The following FHIT variants were observed in gnomAD, a reference collection of about 807,000 sequenced individuals.
FHIT encodes bis(5'-adenosyl)-triphosphatase.
FHIT carries 19 observed loss-of-function variants against 17.9 expected under a neutral mutation model. That is an observed-to-expected ratio of 1.06 (90% CI 0.74 to 1.56). The LOEUF is 1.56. Ranked by LOEUF, FHIT falls within the 40% of genes most tolerant of loss-of-function variation. FHIT has a pLI of 0.00. For synonymous variants in FHIT, 81 were observed against 69.7 expected, an observed-to-expected ratio of 1.16 and a Z score of -0.81; for missense variants, 248 against 189.2, an observed-to-expected ratio of 1.31 and a Z score of -1.82.
In FHIT at chr3:61,141,471, T is replaced by C. The variant is rs115573034; in HGVS notation, c.-164+59146A>G. Among the ~76,000 whole-genome samples, 407 of 152,212 alleles carry C rather than the reference T, an allele frequency of 2.7e-3. 4 individuals carry two copies. The highest frequency in any genetic ancestry group is 0.01 in the Middle Eastern group (3 of 294). ...CTCTGAGCTGCCTGTTGTGGCAATA[T>C]CAGATAAAGAAATTCTGTAGCCCAG... On this transcript the variant is annotated intron_variant, in intron 2 of 9. Coordinates refer to ENST00000492590, the MANE Select transcript of FHIT (RefSeq NM_002012.4).
intron 2 of FHIT, among the ~76,000 whole-genome samples, chr3:61,164,283 C>A (rs2037773986): frequency 6.6e-6 from 1 of 152,126 alleles, no homozygotes; most frequent in South Asian, 2.1e-4. Flanking sequence ...AAAGGCAAAG[C>A]ACAAAAAGCA....
chr3:60,161,702 C>A (rs546891250), intron 5 of FHIT, among the ~76,000 whole-genome samples: 1 of 152,130 alleles, frequency 6.6e-6, no homozygotes, highest in African/African-American at 2.4e-5. Context: ...AACCCAGAAC[C>A]AACAGAAGCA....
intron 5 of FHIT, among the ~76,000 whole-genome samples, chr3:60,465,605 TATAG>T (rs2032745056): frequency 6.6e-6 from 1 of 152,126 alleles, no homozygotes; most frequent in Non-Finnish European, 1.5e-5. Flanking sequence ...TTCTTCTGCA[TATAG>T]ATATTCAGTT....
intron 3 of FHIT, among the ~76,000 whole-genome samples, chr3:60,907,545 T>C (rs1468210135): frequency 2.0e-5 from 3 of 152,232 alleles, no homozygotes; most frequent in Non-Finnish European, 4.4e-5. Flanking sequence ...TTAGATTACA[T>C]ATCAATGTTA....
chr3:60,973,732 T>C (rs757697252), intron 3 of FHIT, among the ~76,000 whole-genome samples: 8 of 152,196 alleles, frequency 5.3e-5, no homozygotes, highest in Non-Finnish European at 1.2e-4. Flanking sequence ...CAAAGAAGTA[T>C]TGACCTTCAC....
chr3:60,405,293 T>C (rs1025523429), intron 5 of FHIT, among the ~76,000 whole-genome samples: 1 of 152,208 alleles, frequency 6.6e-6, no homozygotes, highest in African/African-American at 2.4e-5. Flanking sequence ...ATGCCCACCT[T>C]TGAGTGGTGT....
Position 61,016,862 on chromosome 3 carries a change from G to C in FHIT, c.-111+25185C>G, listed in dbSNP as rs2032138971. Among the ~76,000 whole-genome samples the C allele has an allele frequency of 2.0e-5, 3 of 152,242 alleles. No individual in the cohort carries two copies. The South Asian group carries it at 6.2e-4, about 32-fold the overall frequency. On this transcript the variant is annotated intron_variant, in intron 3 of 9. Transcript: ENST00000492590. ...GTTCTGAAAGTCTGCACAGTAACAGGAACACAGACAGAAATAACAAAATGG... is the reference window on the plus strand; with the variant it reads ...GTTCTGAAAGTCTGCACAGTAACAGCAACACAGACAGAAATAACAAAATGG...
chr3:60,965,018 C>T (rs1709651147), intron 3 of FHIT, among the ~76,000 whole-genome samples: 1 of 152,302 alleles, frequency 6.6e-6, no homozygotes, highest in Admixed American at 6.5e-5. Flanking sequence ...TAATATCCTG[C>T]AGAGTGTTTT....
intron 5 of FHIT, among the ~76,000 whole-genome samples, chr3:60,047,220 A>G (rs212055): frequency 0.11 from 16,832 of 152,266 alleles, 979 homozygotes; most frequent in Non-Finnish European, 0.13. Context: ...CTAGCAGGAA[A>G]AAGAAATTAA....
chr3:60,063,941 T>C (rs983779612), intron 5 of FHIT, among the ~76,000 whole-genome samples: 14 of 152,226 alleles, frequency 9.2e-5, no homozygotes, highest in Admixed American at 7.9e-4. Flanking sequence ...TATACTATGC[T>C]TTGAAACAAG....
intron 1 of FHIT, among the ~76,000 whole-genome samples, chr3:61,212,501 G>A (rs150667750): frequency 0.019 from 2,862 of 152,334 alleles, 81 homozygotes; most frequent in African/African-American, 0.065. Flanking sequence ...ATGGGACTAT[G>A]TGAAAACACC....
At chr3:60,320,208 C>A (rs180895028) in intron 5 of FHIT, among the ~76,000 whole-genome samples, 103 of 152,326 alleles carry the variant, frequency 6.8e-4, no homozygotes, top group Admixed American at 2.8e-3. Flanking sequence ...CGTTAAGCTT[C>A]CTCTTCATTT....
intron 5 of FHIT, among the ~76,000 whole-genome samples, chr3:60,310,663 C>T (rs1294427675): frequency 6.6e-6 from 1 of 152,050 alleles, no homozygotes; most frequent in Non-Finnish European, 1.5e-5. Flanking sequence ...AAGACAAAAG[C>T]ACTCTACGTA....
At chr3:60,394,710 ATAT>A (rs1267081965) in intron 5 of FHIT, among the ~76,000 whole-genome samples, 1 of 152,184 alleles carries the variant, frequency 6.6e-6, no homozygotes, top group Non-Finnish European at 1.5e-5. Flanking sequence ...GAGTTGATAC[ATAT>A]TATATATGTT....
chr3:60,471,001 GA>G (rs2033062068), intron 5 of FHIT, among the ~76,000 whole-genome samples: 1 of 152,190 alleles, frequency 6.6e-6, no homozygotes, highest in South Asian at 2.1e-4. Flanking sequence ...GGTATGTTTA[GA>G]AACGCTGTCT....
intron 3 of FHIT, among the ~76,000 whole-genome samples, chr3:60,830,883 C>G (rs1553742340): frequency 3.9e-5 from 6 of 152,064 alleles, no homozygotes; most frequent in African/African-American, 1.2e-4. Context: ...TCATCCTTGT[C>G]CTTAGCTTAA....
chr3:60,353,667 A>G (rs923338902), intron 5 of FHIT, among the ~76,000 whole-genome samples: 1 of 152,190 alleles, frequency 6.6e-6, no homozygotes, highest in African/African-American at 2.4e-5. Flanking sequence ...AGAAAAAGTT[A>G]CAAATTAATA....
In FHIT at chr3:61,022,410, G is replaced by C. The variant is rs2032494022; in HGVS notation, c.-111+19637C>G. 2.0e-5 allele frequency among the ~76,000 whole-genome samples: 3 copies of C among 151,772 alleles called. No homozygotes were observed. The South Asian group carries it at 6.2e-4, about 32-fold the overall frequency. Reference sequence around the variant, plus strand: ...ATGGATCCACAGCTGAATTCTACCAGAGGTAAAAGAGGAGCTGGTACCATT... The same window carrying C: ...ATGGATCCACAGCTGAATTCTACCACAGGTAAAAGAGGAGCTGGTACCATT... On this transcript the variant is annotated intron_variant, in intron 3 of 9. Transcript: ENST00000492590.
intron 8 of FHIT, among the ~76,000 whole-genome samples, chr3:59,832,567 T>C (rs564473725): frequency 3.9e-5 from 6 of 152,330 alleles, no homozygotes; most frequent in South Asian, 2.1e-4. Flanking sequence ...GTCCTCTGCA[T>C]TGTGAATAGC....
Sources: gnomAD v4.1 joint callset for allele counts (sites outside exome capture counted in the v4.1 genomes callset) on GRCh38, gnomAD v4.1.1 for gene constraint, MANE v1.5 for transcripts, NCBI Gene and HGNC (gene_info 2026-07-23, HGNC 2026-07-21) for gene names.